ZFHX3: variants seen among roughly 807,000 people sequenced by gnomAD.
ZFHX3 encodes zinc finger homeobox protein 3.
In ZFHX3, 42 loss-of-function variants were observed where a neutral mutation model predicts 279.1. The observed-to-expected ratio is 0.15, with a 90% confidence interval of 0.12 to 0.19. The LOEUF (loss-of-function observed/expected upper bound fraction) is 0.19. Ranked by LOEUF, ZFHX3 falls within the 10% of genes least tolerant of loss-of-function variation. ZFHX3 has a pLI of 1.00. For missense variants in ZFHX3, 4,981 were observed against 4,754.0 expected (o/e 1.05, Z -1.40); for synonymous variants, 2,293 against 1,957.8 (o/e 1.17, Z -4.52).
At chr16:72,938,897 G>T (rs1436550461) in intron 3 of ZFHX3, among the ~76,000 whole-genome samples, 2 of 152,172 alleles carry the variant, frequency 1.3e-5, no homozygotes, top group African/African-American at 4.8e-5. Context: ...AGCCTAATCT[G>T]AGAACCAGAA....
intron 5 of ZFHX3, among the ~76,000 whole-genome samples, chr16:73,225,940 T>C (rs2144925355): frequency 6.6e-6 from 1 of 152,244 alleles, no homozygotes. Flanking sequence ...TATCCTACAC[T>C]CTCGAGCACC....
intron 8 of ZFHX3, among the ~76,000 whole-genome samples, chr16:73,068,252 T>C (rs2144751887): frequency 6.6e-6 from 1 of 152,318 alleles, no homozygotes; most frequent in Admixed American, 6.5e-5. Context: ...TAAAGCTATT[T>C]CTATTACACC....
intron 4 of ZFHX3, among the ~76,000 whole-genome samples, chr16:72,856,596 G>A (rs1373130715): frequency 6.6e-6 from 1 of 152,182 alleles, no homozygotes; most frequent in Non-Finnish European, 1.5e-5. Flanking sequence ...GCAGACAGAG[G>A]TACGTGTAGG....
At chr16:73,062,972 G>T (rs1171754504), upstream of ZFHX3, among the ~76,000 whole-genome samples, 1 of 152,250 alleles carries the variant, frequency 6.6e-6, no homozygotes, top group Non-Finnish European at 1.5e-5. Context: ...TAGTTAACAT[G>T]ATCTAAACAT....
intron 3 of ZFHX3, among the ~76,000 whole-genome samples, chr16:73,390,667 G>T (rs984806291): frequency 1.3e-4 from 20 of 152,142 alleles, no homozygotes; most frequent in Non-Finnish European, 8.8e-5. Flanking sequence ...GGCTTAAGGG[G>T]CTCAGGAAAT....
At chr16:73,563,579 G>T (rs958463944) in intron 2 of ZFHX3, among the ~76,000 whole-genome samples, 1 of 152,092 alleles carries the variant, frequency 6.6e-6, no homozygotes, top group Non-Finnish European at 1.5e-5. Flanking sequence ...ATAATCTACA[G>T]TATTAGGGAT....
At chr16:72,903,738 C>A (rs951547081) in intron 3 of ZFHX3, among the ~76,000 whole-genome samples, 1 of 152,196 alleles carries the variant, frequency 6.6e-6, no homozygotes, top group African/African-American at 2.4e-5. Context: ...AGTTAACAGT[C>A]TCATATTGTG....
chr16:73,670,114 T>C (rs374165809), intron 2 of ZFHX3, among the ~76,000 whole-genome samples: 1 of 152,214 alleles, frequency 6.6e-6, no homozygotes. Context: ...GATAAGGTGG[T>C]TTCCCTCGCA....
chr16:73,373,725 T>C (rs577048392), intron 3 of ZFHX3, among the ~76,000 whole-genome samples: 1 of 152,180 alleles, frequency 6.6e-6, no homozygotes, highest in East Asian at 1.9e-4. Context: ...TCTGAACACA[T>C]CTTTGGTTCA....
intron 2 of ZFHX3, among the ~76,000 whole-genome samples, chr16:73,597,914 G>T (rs139710205): frequency 6.6e-6 from 1 of 152,328 alleles, no homozygotes; most frequent in East Asian, 1.9e-4. Context: ...AGTAACTGCT[G>T]TATGAAAAAA....
At chr16:73,786,403 A>T (rs902498213) in intron 1 of ZFHX3, among the ~76,000 whole-genome samples, 2 of 150,002 alleles carry the variant, frequency 1.3e-5, no homozygotes, top group African/African-American at 2.5e-5. Flanking sequence ...TGAGACACAT[A>T]AAAAAAAACT....
At chr16:73,601,029 G>T (rs2052109287) in intron 2 of ZFHX3, among the ~76,000 whole-genome samples, 1 of 149,638 alleles carries the variant, frequency 6.7e-6, no homozygotes, top group African/African-American at 2.4e-5. Flanking sequence ...AAAAAAAAAT[G>T]TTGAGTGTTT....
At chr16:73,359,462 G>A (rs1378047087) in intron 3 of ZFHX3, among the ~76,000 whole-genome samples, 1 of 152,172 alleles carries the variant, frequency 6.6e-6, no homozygotes, top group Non-Finnish European at 1.5e-5. Context: ...GTAGGATTGG[G>A]GAACTCTGTG....
At chr16:73,523,937 T>C (rs1313744777) in intron 2 of ZFHX3, among the ~76,000 whole-genome samples, 1 of 152,154 alleles carries the variant, frequency 6.6e-6, no homozygotes, top group Non-Finnish European at 1.5e-5. Flanking sequence ...GAAAAGCAAA[T>C]GAAAGTTTCA....
At chr16:73,478,160 G>C (rs1056075699) in intron 2 of ZFHX3, among the ~76,000 whole-genome samples, 2 of 151,736 alleles carry the variant, frequency 1.3e-5, no homozygotes, top group Admixed American at 6.6e-5. Context: ...CAGCTACTCG[G>C]GAGGCTGAGG....
intron 8 of ZFHX3, among the ~76,000 whole-genome samples, chr16:73,089,504 C>T (rs558006003): frequency 6.6e-6 from 1 of 152,314 alleles, no homozygotes; most frequent in African/African-American, 2.4e-5. Context: ...ACCATGAAGC[C>T]AACTGTGTCA....
chr16:73,497,221 A>G (rs1264714775), intron 2 of ZFHX3, among the ~76,000 whole-genome samples: 1 of 152,210 alleles, frequency 6.6e-6, no homozygotes, highest in African/African-American at 2.4e-5. Context: ...TGACAAGCTT[A>G]TGGACAAGGA....
intron 2 of ZFHX3, among the ~76,000 whole-genome samples, chr16:73,601,299 C>CAAAAAAAAAAA (rs1217744713): frequency 3.3e-5 from 2 of 60,434 alleles, no homozygotes; most frequent in Admixed American, 1.8e-4. Flanking sequence ...ACTAAAAATA[C>CAAAAAAAAAAA]AAAAAAAAAA....
intron 1 of ZFHX3, among the ~76,000 whole-genome samples, chr16:73,694,002 T>C (rs1344705726): frequency 2.1e-5 from 3 of 145,108 alleles, no homozygotes; most frequent in Non-Finnish European, 4.5e-5. Flanking sequence ...CAAATAAACA[T>C]GATGGGGTGT....
Sources: allele counts gnomAD v4.1 joint callset (sites outside exome capture counted in the v4.1 genomes callset), GRCh38; gene constraint gnomAD v4.1.1; transcripts MANE v1.5; gene names NCBI Gene and HGNC (gene_info 2026-07-23, HGNC 2026-07-21).